Variants in RHBDD2 observed in about 807,000 individuals in gnomAD.
RHBDD2 encodes rhomboid domain-containing protein 2.
RHBDD2 carries 13 observed loss-of-function variants against 21.7 expected under a neutral mutation model. That is an observed-to-expected ratio of 0.60 (90% CI 0.39 to 0.95). RHBDD2 has a LOEUF of 0.95. Ranked by LOEUF, RHBDD2 falls within the 40% of genes least tolerant of loss-of-function variation. The pLI is 0.00. For missense variants in RHBDD2, 473 were observed against 478.9 expected, an observed-to-expected ratio of 0.99 and a Z score of 0.11; for synonymous variants, 225 against 220.0, an observed-to-expected ratio of 1.02 and a Z score of -0.20.
At chr7:75,879,716 G>T (rs1341826425) in intron 1 of RHBDD2, among the ~76,000 whole-genome samples, 1 of 152,082 alleles carries the variant, frequency 6.6e-6, no homozygotes, top group African/African-American at 2.4e-5. Flanking sequence ...ACCCCTATAA[G>T]CCCTATAAAC....
chr7:75,879,508 G>T (rs1219051510), intron 1 of RHBDD2, among the ~76,000 whole-genome samples: 1 of 152,140 alleles, frequency 6.6e-6, no homozygotes, highest in Non-Finnish European at 1.5e-5. Context: ...ACCCGAATTT[G>T]TTCCCTTCCC....
In RHBDD2 at chr7:75,881,874, C is replaced by T. The variant is rs1281593687; in HGVS notation, c.224C>T (p.Ser75Phe). 1.9e-6 allele frequency: 3 copies of T among 1,613,660 alleles called. No homozygotes were observed. The highest frequency in any genetic ancestry group is 1.3e-5 in the African/African-American group (1 of 75,078). ...ATCTTTGTCTACGAGAATCCCATCT[C>T]CCTGCTCTGCGGCGCTATCATCATC... ...TYIFVYENPI[S>F]LLCGAIIIWR... Residue 75 changes from serine to phenylalanine, a missense_variant, in exon 2 of 4, where the codon TCC becomes TTC. Physicochemically the swap from Ser to Phe is radical, Grantham distance 155. Coordinates refer to ENST00000006777, the MANE Select transcript of RHBDD2 (RefSeq NM_001040456.3).
chr7:75,887,894 G>T (rs1423027609), intron 3 of RHBDD2, 98 bp from the exon 4 acceptor site: 2 of 979,730 alleles, frequency 2.0e-6, no homozygotes, highest in East Asian at 2.4e-5. Context: ...AACATCCAAG[G>T]CATGTTGTAC....
rs782220530 is a variant in RHBDD2, at chr7:75,879,158, C to G, written c.76C>G (p.Leu26Val). 1 of 1,501,002 alleles carries G rather than the reference C, an allele frequency of 6.7e-7. No homozygotes were observed. Among genetic ancestry groups the G allele is most frequent in the South Asian group, 1.2e-5 (1 of 80,430 alleles). 93.0% of individuals were successfully genotyped at this position (1,501,002 alleles called of 1,614,324 possible). The change falls in exon 1 of 4, where the codon CTG becomes GTG. Residue 26 changes from leucine (L) to valine (V), a missense_variant. Leu to Val is a conservative substitution (Grantham distance 32, BLOSUM62 1). Transcript: ENST00000006777. Reference sequence around the variant, plus strand: ...GCCATCCGCCACCTTCTTCACTGCGCTGCTCTCGCTGCTGGTTTCCGGGCC... The same window carrying G: ...GCCATCCGCCACCTTCTTCACTGCGGTGCTCTCGCTGCTGGTTTCCGGGCC... ...EVPSATFFTA[L>V]LSLLVSGPRL...
rs76316405 is a variant in RHBDD2, at chr7:75,888,723, G to T, written c.*374G>T. On this transcript the variant is annotated 3_prime_UTR_variant, in exon 4 of 4. Coordinates refer to ENST00000006777, the MANE Select transcript of RHBDD2 (RefSeq NM_001040456.3). The stretch of plus-strand genomic sequence containing the variant: ...TGCCGTGCTCGTGGTTTCAGTGTCC[G>T]TGTGTCCATGTGTCTGCCCTTCAGG... 10 of 251,640 alleles carry T rather than the reference G, an allele frequency of 4.0e-5. No individual in the cohort carries two copies. Among genetic ancestry groups the T allele is most frequent in the African/African-American group, 2.2e-4 (10 of 44,852 alleles). The allele number at this position is 251,640 out of a possible 1,614,324, so 15.6% of individuals were successfully genotyped here.
chr7:75,888,264 A>C lies in RHBDD2; in HGVS notation c.1010A>C (p.Asn337Thr), dbSNP rs782568366. 6.1e-5 allele frequency: 98 copies of C among 1,613,524 alleles called. No homozygotes were observed. Among genetic ancestry groups the C allele is most frequent in the Non-Finnish European group, 8.3e-5 (98 of 1,180,024 alleles). The stretch of plus-strand genomic sequence containing the variant: ...GGCATCCAGCCCCCCACGCCTGTGA[A>C]CAGCCCTGGCACGGTGTATTCTGGG... ...SLGIQPPTPV[N>T]SPGTVYSGAL... The change falls in exon 4 of 4, where the codon AAC becomes ACC. Residue 337 changes from asparagine to threonine, a missense_variant. Physicochemically the swap from Asn to Thr is moderately conservative, Grantham distance 65. Transcript: ENST00000006777.
At chr7:75,883,530 C>T in intron 2 of RHBDD2, 168 bp from the exon 3 acceptor site, 1 of 517,654 alleles carries the variant, frequency 1.9e-6, no homozygotes, top group Non-Finnish European at 3.4e-6. Context: ...AAAAAAAAAA[C>T]AAACCTTTGG....
Position 75,888,249 on chromosome 7 carries a change from C to G in RHBDD2, c.995C>G (p.Pro332Arg), listed in dbSNP as rs1554544495. 6.2e-7 allele frequency: 1 copy of G among 1,613,808 alleles called. No individual in the cohort carries two copies. Among genetic ancestry groups the G allele is most frequent in the South Asian group, 1.1e-5 (1 of 91,086 alleles). ...ASAGTSLGIQ[P>R]PTPVNSPGTV... ...GCGGGCACCTCCCTGGGCATCCAGC[C>G]CCCCACGCCTGTGAACAGCCCTGGC... is the stretch of plus-strand genomic sequence containing the variant. Residue 332 changes from proline to arginine, a missense_variant, in exon 4 of 4, where the codon CCC becomes CGC. Coordinates refer to ENST00000006777, the MANE Select transcript of RHBDD2 (RefSeq NM_001040456.3).
At chr7:75,886,135 G>A (rs1554543802) in intron 3 of RHBDD2, among the ~76,000 whole-genome samples, 1 of 152,162 alleles carries the variant, frequency 6.6e-6, no homozygotes, top group African/African-American at 2.4e-5. Context: ...CACCAGCTGT[G>A]GAGTAAATTT....
intron 3 of RHBDD2, among the ~76,000 whole-genome samples, chr7:75,886,281 T>G (rs1184718454): frequency 6.6e-6 from 1 of 152,192 alleles, no homozygotes; most frequent in Non-Finnish European, 1.5e-5. Flanking sequence ...GGAGGGCTGC[T>G]GGGAAAACAG....
chr7:75,883,830 G>C lies in RHBDD2; in HGVS notation c.719G>C (p.Arg240Thr). Residue 240 changes from arginine to threonine, a missense_variant, in exon 3 of 4, where the codon AGG becomes ACG. Transcript: ENST00000006777. Reference sequence around the variant, plus strand: ...GTCTCAGGGTCTTCAGCCGAGAGGAGGGCAGCCCAGAGCCGGAAGTAAGTG... The same window carrying C: ...GTCTCAGGGTCTTCAGCCGAGAGGACGGCAGCCCAGAGCCGGAAGTAAGTG... ...KYVSGSSAER[R>T]AAQSRKLNPV... is the part of the protein sequence containing the mutation. The C allele has an allele frequency of 6.2e-7, 1 of 1,613,730 alleles. No individual in the cohort carries two copies. Among genetic ancestry groups the C allele is most frequent in the Non-Finnish European group, 8.5e-7 (1 of 1,179,832 alleles).
Position 75,882,224 on chromosome 7 carries a change from A to T in RHBDD2, c.574A>T (p.Ile192Phe). The T allele has an allele frequency of 1.2e-6, 2 of 1,611,660 alleles. No individual in the cohort carries two copies. Among genetic ancestry groups the T allele is most frequent in the South Asian group, 1.1e-5 (1 of 90,688 alleles). ...SFLSNVCGLS[I>F]GLAYGLTYCY... is the part of the protein sequence containing the mutation. The stretch of plus-strand genomic sequence containing the variant: ...CCTCAGTAATGTCTGCGGGCTGTCC[A>T]TCGGGCTGGCCTGTATCCTTCCTAG... Residue 192 changes from isoleucine to phenylalanine, a missense_variant, in exon 2 of 4, where the codon ATC becomes TTC. Transcript: ENST00000006777.
Position 75,882,241 on chromosome 7 carries a change from C to T in RHBDD2, c.586+5C>T, listed in dbSNP as rs782518420. 1 of 1,604,364 alleles carries T rather than the reference C, an allele frequency of 6.2e-7. No individual in the cohort carries two copies. The highest frequency in any genetic ancestry group is 8.5e-7 in the Non-Finnish European group (1 of 1,174,524). ...GGCTGTCCATCGGGCTGGCCTGTAT[C>T]CTTCCTAGCAGAGAGCTATAGAACA... On this transcript the variant is annotated splice_donor_5th_base_variant and intron_variant, in intron 2 of 3. Transcript: ENST00000006777.
rs146088335 is a variant in RHBDD2 at position 75,883,256 on chromosome 7, C to G, written c.587-442C>G. Among the ~76,000 whole-genome samples, 701 of 152,072 alleles carry G rather than the reference C, an allele frequency of 4.6e-3. 6 individuals carry two copies. Among genetic ancestry groups the G allele is most frequent in the African/African-American group, 0.016 (671 of 41,472 alleles). On this transcript the variant is annotated intron_variant, in intron 2 of 3. Transcript: ENST00000006777. The stretch of plus-strand genomic sequence containing the variant: ...GGCTCTGGGGTCAGGCGCAGTGGCT[C>G]ACGCCTGTAATACTAGCACTTTGGG...
At chr7:75,886,346 G>A (rs71560493) in intron 3 of RHBDD2, among the ~76,000 whole-genome samples, 5,726 of 152,172 alleles carry the variant, frequency 0.038, 146 homozygotes, top group Non-Finnish European at 0.062. Flanking sequence ...GGGTCTCAAT[G>A]TGGGGGAGAC....
At chr7:75,880,365 C>G (rs1166445678) in intron 1 of RHBDD2, 1 of 152,156 alleles carries the variant, frequency 6.6e-6, no homozygotes, top group Non-Finnish European at 1.5e-5. Flanking sequence ...AACTGTTCCC[C>G]CCACCCTAGG....
chr7:75,882,740 A>C (rs189798051), intron 2 of RHBDD2, among the ~76,000 whole-genome samples: 1 of 152,230 alleles, frequency 6.6e-6, no homozygotes, highest in Admixed American at 6.5e-5. Flanking sequence ...TCCTTTAAAA[A>C]ATGTTGACTT....
At chr7:75,884,189 G>A (rs917325740) in intron 3 of RHBDD2, among the ~76,000 whole-genome samples, 2 of 151,984 alleles carry the variant, frequency 1.3e-5, no homozygotes, top group East Asian at 1.9e-4. Context: ...CACTGCCCCC[G>A]GCCAAATGCT....
Position 75,883,774 on chromosome 7 carries a change from C to G in RHBDD2, c.663C>G (p.Ser221Arg). The G allele has an allele frequency of 6.2e-7, 1 of 1,613,660 alleles. No homozygotes were observed. The highest frequency in any genetic ancestry group is 8.5e-7 in the Non-Finnish European group (1 of 1,179,580). Residue 221 changes from serine (S) to arginine (R), a missense_variant, in exon 3 of 4, where the codon AGC (serine) becomes AGG (arginine). Coordinates refer to ENST00000006777, the MANE Select transcript of RHBDD2 (RefSeq NM_001040456.3). ...AGCTCGATCAGACCTTCCCCTTCAG[C>G]CTGATGAGGAGGATATCCGTGTTCA... is the stretch of plus-strand genomic sequence containing the variant. The part of the protein sequence containing the change: ...ALKLDQTFPF[S>R]LMRRISVFKY...
Sources: allele counts gnomAD v4.1 joint callset (sites outside exome capture counted in the v4.1 genomes callset), GRCh38; gene constraint gnomAD v4.1.1; transcripts MANE v1.5; gene names NCBI Gene and HGNC (gene_info 2026-07-23, HGNC 2026-07-21).